The following RBFOX1 variants were observed in gnomAD, a reference collection of about 807,000 sequenced individuals.
The protein encoded by RBFOX1 is RNA binding fox-1 homolog 1.
A neutral mutation model predicts 57.7 loss-of-function variants in RBFOX1; 8 were observed. The ratio of observed to expected loss-of-function variants is 0.14; its 90% CI spans 0.08 to 0.25. The LOEUF (loss-of-function observed/expected upper bound fraction) is 0.25, where lower values mean the gene tolerates loss of function less well. Ranked by LOEUF, RBFOX1 falls within the 10% of genes least tolerant of loss-of-function variation. The probability of loss-of-function intolerance (pLI) is 1.00; values close to 1 mark genes in which losing one functional copy is unlikely to be tolerated. For synonymous variants in RBFOX1, 326 were observed against 222.4 expected (o/e 1.47, Z -4.15); for missense variants, 611 against 548.5 (o/e 1.11, Z -1.14).
chr16:7,641,869 C>T (rs74011942), intron 11 of RBFOX1, among the ~76,000 whole-genome samples: 9,366 of 152,194 alleles, frequency 0.062, 564 homozygotes, highest in African/African-American at 0.15. Flanking sequence ...TGTTGTGCAG[C>T]GTCCTCCAGG....
chr16:6,122,728 A>G (rs1029734623), intron 1 of RBFOX1, among the ~76,000 whole-genome samples: 5 of 151,704 alleles, frequency 3.3e-5, no homozygotes, highest in African/African-American at 9.7e-5. Context: ...AGTTAATGGG[A>G]AAAAAAAGCC....
chr16:5,867,515 G>A (rs886769472), intron 4 of RBFOX1, among the ~76,000 whole-genome samples: 1 of 152,024 alleles, frequency 6.6e-6, no homozygotes, highest in Non-Finnish European at 1.5e-5. Flanking sequence ...CCAGGTCACC[G>A]CACTGCTCTT....
chr16:6,081,783 C>T (rs75413749), intron 1 of RBFOX1, among the ~76,000 whole-genome samples: 2 of 152,136 alleles, frequency 1.3e-5, no homozygotes, highest in African/African-American at 2.4e-5. Context: ...AGTGAACAGC[C>T]GTGTGCCTCT....
chr16:6,723,368 C>A (rs968178865), intron 3 of RBFOX1, among the ~76,000 whole-genome samples: 1 of 151,394 alleles, frequency 6.6e-6, no homozygotes, highest in African/African-American at 2.5e-5. Context: ...GTATAGCATG[C>A]AACTGTGGAT....
intron 3 of RBFOX1, among the ~76,000 whole-genome samples, chr16:6,860,179 C>T (rs749127496): frequency 1.3e-5 from 2 of 152,174 alleles, no homozygotes; most frequent in African/African-American, 2.4e-5. Flanking sequence ...TCTGAGTCAT[C>T]TGCAATAGCG....
At chr16:7,224,476 T>C (rs191324227) in intron 4 of RBFOX1, among the ~76,000 whole-genome samples, 11 of 152,056 alleles carry the variant, frequency 7.2e-5, no homozygotes, top group Non-Finnish European at 1.5e-4. Flanking sequence ...TGGCTGCAAA[T>C]GATCGAGCTA....
At chr16:7,112,110 G>A (rs1203589608) in intron 4 of RBFOX1, among the ~76,000 whole-genome samples, 2 of 152,178 alleles carry the variant, frequency 1.3e-5, no homozygotes, top group Admixed American at 6.5e-5. Context: ...GTGATCTTAT[G>A]CGTTAGACCA....
At chr16:5,671,197 C>T (rs1392556386) in intron 3 of RBFOX1, among the ~76,000 whole-genome samples, 1 of 152,192 alleles carries the variant, frequency 6.6e-6, no homozygotes, top group Non-Finnish European at 1.5e-5. Context: ...AGGAGGTTTT[C>T]TTTGAAAGTT....
At chr16:6,459,192 C>A (rs1254927341) in intron 2 of RBFOX1, among the ~76,000 whole-genome samples, 1 of 152,126 alleles carries the variant, frequency 6.6e-6, no homozygotes, top group African/African-American at 2.4e-5. Flanking sequence ...AAAAATTAGC[C>A]GGCCATGGTG....
intron 3 of RBFOX1, among the ~76,000 whole-genome samples, chr16:7,045,763 C>G (rs1392451387): frequency 2.0e-5 from 3 of 152,008 alleles, no homozygotes; most frequent in Non-Finnish European, 2.9e-5. Context: ...TCAAGCAGTT[C>G]TCTTGCCTCA....
At chr16:6,257,143 G>A (rs565534802) in intron 1 of RBFOX1, among the ~76,000 whole-genome samples, 1 of 152,088 alleles carries the variant, frequency 6.6e-6, no homozygotes, top group Non-Finnish European at 1.5e-5. Flanking sequence ...GGATACATGT[G>A]CAGGACATGC....
intron 11 of RBFOX1, among the ~76,000 whole-genome samples, chr16:7,632,695 T>G (rs186351582): frequency 9.3e-4 from 142 of 152,364 alleles, no homozygotes; most frequent in Admixed American, 4.2e-3. Flanking sequence ...TATTATTTTT[T>G]TCTCTAACAT....
intron 3 of RBFOX1, chr16:6,723,961 G>C (rs1465772797): frequency 6.6e-6 from 1 of 152,202 alleles, no homozygotes. Flanking sequence ...TTGGCCCATT[G>C]CTGAGGGCAA....
At chr16:6,185,392 A>G (rs1014177647) in intron 1 of RBFOX1, among the ~76,000 whole-genome samples, 3 of 152,148 alleles carry the variant, frequency 2.0e-5, no homozygotes, top group Non-Finnish European at 2.9e-5. Context: ...AAGGCGTTCA[A>G]TACCGACAAT....
At chr16:5,900,569 T>G (rs7205782) in intron 4 of RBFOX1, among the ~76,000 whole-genome samples, 7 of 151,938 alleles carry the variant, frequency 4.6e-5, no homozygotes, top group African/African-American at 1.7e-4. Context: ...GCAACCTTCC[T>G]GCTCCCGCCT....
At chr16:7,264,653 T>C (rs1345338155) in intron 4 of RBFOX1, among the ~76,000 whole-genome samples, 1 of 152,222 alleles carries the variant, frequency 6.6e-6, no homozygotes, top group African/African-American at 2.4e-5. Context: ...TTGCATTTCA[T>C]GTAATTTTCA....
At chr16:6,702,569 A>C (rs750607357) in intron 3 of RBFOX1, among the ~76,000 whole-genome samples, 19 of 152,060 alleles carry the variant, frequency 1.2e-4, no homozygotes, top group Admixed American at 2.0e-4. Context: ...AAAAAAACAA[A>C]AATCCAAATT....
chr16:6,742,116 T>C lies in RBFOX1; in HGVS notation c.-16+87466T>C, dbSNP rs375345661. ...ACGTGATAAATATATACAGTTATTA[T>C]TGTCAATTTTAAAATGTCAAAGAGT... is the stretch of plus-strand genomic sequence containing the variant. On this transcript the variant is annotated intron_variant, in intron 3 of 15. Coordinates refer to ENST00000550418, the MANE Select transcript of RBFOX1 (RefSeq NM_018723.4). Among the ~76,000 whole-genome samples, 4 of 152,188 alleles carry C rather than the reference T, an allele frequency of 2.6e-5. No homozygotes were observed. In the East Asian group the frequency reaches 5.8e-4, roughly 22 times the overall value.
chr16:5,950,529 T>A (rs1226855539), intron 4 of RBFOX1, among the ~76,000 whole-genome samples: 1 of 152,244 alleles, frequency 6.6e-6, no homozygotes, highest in Non-Finnish European at 1.5e-5. Context: ...TTCTTGAGTA[T>A]CACTACGGGC....
Sources: allele counts gnomAD v4.1 joint callset (sites outside exome capture counted in the v4.1 genomes callset), GRCh38; gene constraint gnomAD v4.1.1; transcripts MANE v1.5; gene names NCBI Gene and HGNC (gene_info 2026-07-23, HGNC 2026-07-21).